Variants in TBPL2 observed in about 807,000 individuals in gnomAD.
The protein encoded by TBPL2 is TATA-box binding protein like 2, also known as TATA box-binding protein-like 2.
In TBPL2, 40 loss-of-function variants were observed where a neutral mutation model predicts 38.2. The observed-to-expected ratio is 1.05, with a 90% CI of 0.81 to 1.36. The LOEUF is 1.36. Ranked by LOEUF, TBPL2 falls within the 40% of genes most tolerant of loss-of-function variation. The pLI is 0.00. For synonymous variants in TBPL2, 169 were observed against 171.7 expected (o/e 0.98, Z 0.12); for missense variants, 461 against 456.7 (o/e 1.01, Z -0.09).
intron 4 of TBPL2, among the ~76,000 whole-genome samples, chr14:55,432,381 C>T (rs924192475): frequency 1.3e-5 from 2 of 151,020 alleles, no homozygotes; most frequent in Non-Finnish European, 2.9e-5. Flanking sequence ...CCACTGCACT[C>T]CATCCTGGAT....
exon 2 of TBPL2, chr14:55,436,960 T>C: frequency 6.2e-7 from 1 of 1,614,176 alleles, no homozygotes; most frequent in Non-Finnish European, 8.5e-7. Context: ...ATTCAGTATG[T>C]ACATATCATA....
At chr14:55,435,009 A>T (rs759076946) in intron 3 of TBPL2, among the ~76,000 whole-genome samples, 4 of 152,218 alleles carry the variant, frequency 2.6e-5, no homozygotes, top group Non-Finnish European at 5.9e-5. Flanking sequence ...TAAACAAGCC[A>T]TTGAAAACAG....
At chr14:55,433,811 A>G in intron 3 of TBPL2, 90 bp from the exon 4 acceptor site, 1 of 1,165,594 alleles carries the variant, frequency 8.6e-7, no homozygotes, top group East Asian at 2.4e-5. Flanking sequence ...AAAATCTCAA[A>G]CAGATTGGAT....
intron 1 of TBPL2, among the ~76,000 whole-genome samples, chr14:55,437,911 G>T (rs1469424698): frequency 6.6e-6 from 1 of 152,324 alleles, no homozygotes; most frequent in Admixed American, 6.5e-5. Context: ...AACTTAAATG[G>T]TAAGAATAGT....
chr14:55,414,408 G>A, exon 7 of TBPL2: 1 of 1,609,070 alleles, frequency 6.2e-7, no homozygotes, highest in Non-Finnish European at 8.5e-7. Context: ...TTTAGAATAG[G>A]ATAGATGTTT....
At chr14:55,435,132 C>A (rs890831742) in intron 3 of TBPL2, among the ~76,000 whole-genome samples, 3 of 152,164 alleles carry the variant, frequency 2.0e-5, no homozygotes, top group Non-Finnish European at 2.9e-5. Context: ...GAACTTTATA[C>A]TTTAAGCAGT....
intron 4 of TBPL2, among the ~76,000 whole-genome samples, chr14:55,431,024 A>C (rs1241600009): frequency 6.6e-6 from 1 of 152,238 alleles, no homozygotes; most frequent in Non-Finnish European, 1.5e-5. Context: ...TACAAACATT[A>C]GAAAGTAGTT....
rs201006914 is a variant in TBPL2, at chr14:55,437,577, T to A, written c.151-559A>T. Among the ~76,000 whole-genome samples the A allele has an allele frequency of 5.9e-5, 9 of 152,262 alleles. No individual in the cohort carries two copies. The East Asian group carries it at 1.7e-3, about 29-fold the overall frequency. On this transcript the variant is annotated intron_variant, in intron 1 of 6. Coordinates refer to ENST00000247219, the Ensembl canonical transcript of TBPL2. ...TCTTCATAAACTATCTTAGCTACTTTGGTTAGATCTCTAGTAAGTTGCCAC... is the reference window on the plus strand; with the variant it reads ...TCTTCATAAACTATCTTAGCTACTTAGGTTAGATCTCTAGTAAGTTGCCAC...
At chr14:55,437,345 G>T (rs1489578469) in intron 1 of TBPL2, among the ~76,000 whole-genome samples, 3 of 152,232 alleles carry the variant, frequency 2.0e-5, no homozygotes, top group Admixed American at 2.0e-4. Flanking sequence ...GAGCATGGTA[G>T]TGCCTGCCTG....
intron 4 of TBPL2, 23 bp downstream of exon 4, chr14:55,433,607 G>C (rs553462297): frequency 1.9e-6 from 3 of 1,589,698 alleles, no homozygotes; most frequent in Non-Finnish European, 2.6e-6. Context: ...CTCTGGTAGG[G>C]GTGGAGGGAT....
intron 2 of TBPL2, 56 bp downstream of exon 2, chr14:55,436,505 C>T (rs1180586771): frequency 1.0e-5 from 15 of 1,440,788 alleles, no homozygotes; most frequent in Admixed American, 1.9e-5. Flanking sequence ...TCATCGCATT[C>T]AGGAATATAA....
chr14:55,435,891 T>A lies in TBPL2; in HGVS notation c.652A>T (p.Lys218Ter). 6.3e-7 allele frequency: 1 copy of A among 1,578,576 alleles called. No homozygotes were observed. Among genetic ancestry groups the A allele is most frequent in the Non-Finnish European group, 8.5e-7 (1 of 1,170,214 alleles). The stretch of plus-strand genomic sequence containing the variant: ...TTTTTTGCATGCAAAGCTATTTTCT[T>A]CAGATCCAACTTACAGGCCAGGTTT... Residue 218 changes from lysine to a stop codon, truncating the protein, a stop_gained, in exon 3 of 7, where the codon AAG becomes TAG. Coordinates refer to ENST00000247219, the Ensembl canonical transcript of TBPL2. LOFTEE classifies it high-confidence loss of function.
At chr14:55,436,057 A>G (rs1202170581) in intron 2 of TBPL2, 123 bp from the exon 3 acceptor site, 2 of 550,550 alleles carry the variant, frequency 3.6e-6, no homozygotes, top group Non-Finnish European at 6.2e-6. Flanking sequence ...GAATTATTCC[A>G]AATGTGAAAT....
chr14:55,437,877 T>A (rs1294094700), intron 1 of TBPL2, among the ~76,000 whole-genome samples: 2 of 152,192 alleles, frequency 1.3e-5, no homozygotes, highest in African/African-American at 4.8e-5. Flanking sequence ...TTAGAAGAAT[T>A]TACACTAGGA....
chr14:55,416,683 G>A (rs183295864), intron 6 of TBPL2, among the ~76,000 whole-genome samples: 63 of 152,256 alleles, frequency 4.1e-4, no homozygotes, highest in Admixed American at 7.2e-4. Context: ...ACAGTGAGTT[G>A]GTGAAGAAGC....
At chr14:55,436,958 T>G in exon 2 of TBPL2, 2 of 1,614,210 alleles carry the variant, frequency 1.2e-6, no homozygotes, top group Non-Finnish European at 1.7e-6. Context: ...GCATTCAGTA[T>G]GTACATATCA....
At chr14:55,424,513 A>T (rs1275405834) in intron 5 of TBPL2, among the ~76,000 whole-genome samples, 1 of 152,240 alleles carries the variant, frequency 6.6e-6, no homozygotes, top group Non-Finnish European at 1.5e-5. Context: ...AAGGTAACTT[A>T]GGGCATCTGA....
At chr14:55,429,247 G>A (rs575693075) in intron 4 of TBPL2, among the ~76,000 whole-genome samples, 2 of 152,310 alleles carry the variant, frequency 1.3e-5, no homozygotes, top group East Asian at 1.9e-4. Flanking sequence ...TTACTTGGGT[G>A]TTATTTGCTA....
chr14:55,426,349 T>G (rs1885824179), intron 5 of TBPL2, among the ~76,000 whole-genome samples: 1 of 152,132 alleles, frequency 6.6e-6, no homozygotes, highest in South Asian at 2.1e-4. Flanking sequence ...ATAGAAAGAT[T>G]ACCAGAGAAA....
Sources: allele counts gnomAD v4.1 joint callset (sites outside exome capture counted in the v4.1 genomes callset), GRCh38; gene constraint gnomAD v4.1.1; transcripts MANE v1.5; gene names NCBI Gene and HGNC (gene_info 2026-07-23, HGNC 2026-07-21).